Variants in TULP4 observed in about 807,000 individuals in gnomAD.
TULP4 encodes tubby-related protein 4.
Under a neutral mutation model 129.0 loss-of-function variants are expected in TULP4, and 16 were observed. The ratio of observed to expected loss-of-function variants is 0.12; its 90% CI spans 0.08 to 0.19. The LOEUF is 0.19. Ranked by LOEUF, TULP4 falls within the 10% of genes least tolerant of loss-of-function variation. TULP4 has a pLI of 1.00. For synonymous variants in TULP4, 998 were observed against 854.0 expected (o/e 1.17, Z -2.94); for missense variants, 1,842 against 2,059.1 (o/e 0.89, Z 2.04).
At chr6:158,450,940 CTGT>C (rs1042991132) in intron 4 of TULP4, among the ~76,000 whole-genome samples, 1 of 152,078 alleles carries the variant, frequency 6.6e-6, no homozygotes, top group African/African-American at 2.4e-5. Context: ...TGGTGGGCAC[CTGT>C]AATCCCAGCT....
intron 1 of TULP4, among the ~76,000 whole-genome samples, chr6:158,277,175 A>C (rs549134001): frequency 6.6e-6 from 1 of 152,274 alleles, no homozygotes; most frequent in South Asian, 2.1e-4. Flanking sequence ...TCCTGGGCTC[A>C]AGCAATCTTC....
intron 1 of TULP4, among the ~76,000 whole-genome samples, chr6:158,292,870 C>A (rs1427426938): frequency 6.6e-6 from 1 of 152,180 alleles, no homozygotes; most frequent in Non-Finnish European, 1.5e-5. Context: ...AAAGTACTCT[C>A]TCATTTCTGT....
intron 3 of TULP4, among the ~76,000 whole-genome samples, chr6:158,443,129 G>A (rs776671542): frequency 5.9e-5 from 9 of 152,190 alleles, no homozygotes; most frequent in South Asian, 2.1e-4. Flanking sequence ...GACTACAGGC[G>A]TGCACCACCA....
chr6:158,237,159 C>G (rs1038538952), intron 1 of TULP4, among the ~76,000 whole-genome samples: 1 of 151,946 alleles, frequency 6.6e-6, no homozygotes, highest in Non-Finnish European at 1.5e-5. Flanking sequence ...ACCAGTAGGC[C>G]ATATCTCACT....
chr6:158,346,710 A>C (rs974913085), intron 1 of TULP4, among the ~76,000 whole-genome samples: 1 of 152,178 alleles, frequency 6.6e-6, no homozygotes, highest in Admixed American at 6.5e-5. Flanking sequence ...TTAATGATTT[A>C]AGACTGGTGT....
intron 1 of TULP4, among the ~76,000 whole-genome samples, chr6:158,353,175 G>C (rs1182268405): frequency 1.3e-5 from 2 of 152,172 alleles, no homozygotes; most frequent in Non-Finnish European, 2.9e-5. Context: ...TTTGTGCTGT[G>C]TCTCCCAGTC....
At chr6:158,477,782 T>C (rs1779855651) in intron 6 of TULP4, among the ~76,000 whole-genome samples, 1 of 152,218 alleles carries the variant, frequency 6.6e-6, no homozygotes, top group Non-Finnish European at 1.5e-5. Flanking sequence ...GGAATATTTG[T>C]TCTATCATAA....
intron 9 of TULP4, among the ~76,000 whole-genome samples, chr6:158,491,393 C>CTT (rs1780195314): frequency 1.3e-4 from 2 of 15,728 alleles, no homozygotes; most frequent in Non-Finnish European, 2.7e-4. Flanking sequence ...TATAAGAGTT[C>CTT]TTTCTTTCTT....
chr6:158,453,823 T>G (rs1308012364), intron 5 of TULP4, among the ~76,000 whole-genome samples: 6 of 137,578 alleles, frequency 4.4e-5, no homozygotes, highest in African/African-American at 1.4e-4. Flanking sequence ...TGTGGTGGCG[T>G]GTGCCTATAG....
At chr6:158,381,139 G>A (rs1777314608) in intron 1 of TULP4, among the ~76,000 whole-genome samples, 1 of 143,410 alleles carries the variant, frequency 7.0e-6, no homozygotes, top group South Asian at 2.3e-4. Flanking sequence ...CTGCAGGCAA[G>A]AAGATAGGTG....
chr6:158,241,195 T>C (rs28662117), intron 1 of TULP4, among the ~76,000 whole-genome samples: 20,725 of 102,370 alleles, frequency 0.2, 2,204 homozygotes, highest in East Asian at 0.3. Flanking sequence ...TGATGGCGGC[T>C]GGGAAGAGGC....
intron 6 of TULP4, among the ~76,000 whole-genome samples, chr6:158,471,781 TACTTAGTA>T (rs199808496): frequency 0.013 from 1,906 of 152,322 alleles, 21 homozygotes; most frequent in South Asian, 0.023. Flanking sequence ...ACGTAGTAGG[TACTTAGTA>T]AATCTTTCTT....
chr6:158,297,581 G>A (rs558145483), intron 1 of TULP4, among the ~76,000 whole-genome samples: 2 of 152,150 alleles, frequency 1.3e-5, no homozygotes, highest in East Asian at 3.9e-4. Context: ...TTGCAGTAAA[G>A]ACAGGCTTAA....
At chr6:158,360,843 A>T (rs1459572977) in intron 1 of TULP4, among the ~76,000 whole-genome samples, 1 of 152,220 alleles carries the variant, frequency 6.6e-6, no homozygotes, top group Non-Finnish European at 1.5e-5. Flanking sequence ...CTATCAGAAA[A>T]TAGCCTGTTA....
At chr6:158,351,707 C>CTTTTTTTTTTTTTT (rs1160814801) in intron 1 of TULP4, among the ~76,000 whole-genome samples, 8 of 50,496 alleles carry the variant, frequency 1.6e-4, no homozygotes, top group Admixed American at 3.5e-4. Flanking sequence ...TGTTGTTAAA[C>CTTTTTTTTTTTTTT]TTTTTTTTTT....
chr6:158,313,797 G>C lies in TULP4; in HGVS notation c.-220G>C. 2 of 542,784 alleles carry C rather than the reference G, an allele frequency of 3.7e-6. No individual in the cohort carries two copies. Among genetic ancestry groups the C allele is most frequent in the South Asian group, 3.0e-5 (1 of 32,924 alleles). The allele number at this position is 542,784 out of a possible 1,614,324, so 33.6% of individuals were successfully genotyped here. A position where few individuals can be genotyped will look rare whatever the true frequency, so the allele number is the denominator to read the frequency against. On this transcript the variant is annotated 5_prime_UTR_variant, in exon 1 of 14. Coordinates refer to ENST00000367097, the MANE Select transcript of TULP4 (RefSeq NM_020245.5). ...TTTTTTTAAGCATTACCTTTTCTTA[G>C]AAGACTGCCATCATCTTTTATAGAG...
chr6:158,276,400 G>A (rs1214971895), intron 1 of TULP4, among the ~76,000 whole-genome samples: 1 of 151,042 alleles, frequency 6.6e-6, no homozygotes, highest in African/African-American at 2.4e-5. Context: ...AAACTCCTGG[G>A]CTCAAGTCAT....
rs766737014 is a variant in TULP4, at chr6:158,314,063, A to G, written c.47A>G (p.Asn16Ser). The G allele has an allele frequency of 6.8e-6, 11 of 1,614,122 alleles. No individual in the cohort carries two copies. The highest frequency in any genetic ancestry group is 1.3e-5 in the African/African-American group (1 of 74,934). Residue 16 changes from asparagine to serine, a missense_variant, in exon 1 of 14, where the codon AAC (asparagine) becomes AGC (serine). By Grantham distance (46) the Asn-to-Ser change is conservative. This residue lies in a region of TULP4 where 151 missense variants were observed against 268.7 expected (regional missense o/e 0.56). Transcript: ENST00000367097. ...GGGCCTGTGCTTTGCAGCGATTCCAACATCCTGTGCCTGTCCTGGAAGGGG... is the reference window on the plus strand; with the variant it reads ...GGGCCTGTGCTTTGCAGCGATTCCAGCATCCTGTGCCTGTCCTGGAAGGGG... ...EHGPVLCSDS[N>S]ILCLSWKGRV... is the part of the protein sequence containing the mutation.
intron 1 of TULP4, among the ~76,000 whole-genome samples, chr6:158,287,225 C>T (rs1371002821): frequency 6.6e-6 from 1 of 152,138 alleles, no homozygotes; most frequent in Non-Finnish European, 1.5e-5. Context: ...TGTTAAGCTC[C>T]ATCTAGCATT....
Sources: allele counts gnomAD v4.1 joint callset (sites outside exome capture counted in the v4.1 genomes callset), GRCh38; gene constraint gnomAD v4.1.1; regional missense constraint gnomAD v4.1.1; transcripts MANE v1.5; gene names NCBI Gene and HGNC (gene_info 2026-07-23, HGNC 2026-07-21).